The following COLEC11 variants were observed in gnomAD, a reference collection of about 807,000 sequenced individuals.
COLEC11 encodes collectin subfamily member 11, also known as collectin-11.
Under a neutral mutation model 27.3 loss-of-function variants are expected in COLEC11, and 20 were observed. That is an observed-to-expected ratio of 0.73 (90% confidence interval 0.51 to 1.06). The LOEUF (loss-of-function observed/expected upper bound fraction) is 1.06. COLEC11 is among the 50% of genes least tolerant of loss of function. The probability of loss-of-function intolerance (pLI) is 0.00; values close to 1 mark genes in which losing one functional copy is unlikely to be tolerated. For missense variants in COLEC11, 310 were observed against 383.0 expected (o/e 0.81, Z 1.59); for synonymous variants, 163 against 154.7 (o/e 1.05, Z -0.40).
intron 4 of COLEC11, among the ~76,000 whole-genome samples, chr2:3,639,207 G>A (rs768244422): frequency 5.0e-4 from 76 of 152,184 alleles, no homozygotes; most frequent in Non-Finnish European, 8.8e-4. Flanking sequence ...TTCACCTGTC[G>A]ATGGACACAT....
At chr2:3,625,625 C>T (rs373951057) in intron 3 of COLEC11, among the ~76,000 whole-genome samples, 18 of 91,440 alleles carry the variant, frequency 2.0e-4, no homozygotes, top group Admixed American at 5.8e-4. Flanking sequence ...TTCTTTTTTA[C>T]TTTTTTTTTT....
chr2:3,628,366 T>C (rs1664715227), intron 3 of COLEC11, among the ~76,000 whole-genome samples: 1 of 152,262 alleles, frequency 6.6e-6, no homozygotes, highest in Non-Finnish European at 1.5e-5. Context: ...TTCAGGTTTC[T>C]CCAGGGGCTC....
chr2:3,636,394 G>A (rs1213805669), intron 3 of COLEC11, among the ~76,000 whole-genome samples: 1 of 152,138 alleles, frequency 6.6e-6, no homozygotes, highest in African/African-American at 2.4e-5. Context: ...GGTGGAGCTT[G>A]CAGTGAGCTG....
intron 3 of COLEC11, among the ~76,000 whole-genome samples, chr2:3,618,349 A>G (rs1162781781): frequency 6.6e-6 from 1 of 152,146 alleles, no homozygotes; most frequent in Non-Finnish European, 1.5e-5. Context: ...TAAGTCTTCT[A>G]TTTTGAGCTG....
chr2:3,616,407 C>T (rs920864961), intron 3 of COLEC11, among the ~76,000 whole-genome samples: 4 of 152,022 alleles, frequency 2.6e-5, no homozygotes, highest in East Asian at 1.9e-4. Flanking sequence ...CCAAGGCAGG[C>T]GGCTGGGAGG....
chr2:3,631,823 T>G (rs558933256), intron 3 of COLEC11, among the ~76,000 whole-genome samples: 22 of 152,134 alleles, frequency 1.4e-4, no homozygotes, highest in Non-Finnish European at 2.9e-4. Context: ...CCTCCTGGGC[T>G]TGGGAGTAGG....
chr2:3,628,645 C>T (rs931682326), intron 3 of COLEC11, among the ~76,000 whole-genome samples: 2 of 152,312 alleles, frequency 1.3e-5, no homozygotes, highest in Admixed American at 6.5e-5. Flanking sequence ...GGAGGTGGTG[C>T]GGTTGGATGG....
At chr2:3,601,682 A>C (rs923904786) in intron 1 of COLEC11, among the ~76,000 whole-genome samples, 1 of 152,246 alleles carries the variant, frequency 6.6e-6, no homozygotes, top group Non-Finnish European at 1.5e-5. Flanking sequence ...GTTTTCACAG[A>C]GGTAGGATTT....
chr2:3,604,573 C>A, intron 2 of COLEC11, 103 bp downstream of exon 2: 2 of 1,306,538 alleles, frequency 1.5e-6, no homozygotes, highest in Non-Finnish European at 2.2e-6. Context: ...AAAGCCCCAG[C>A]AAATCTGCTT....
At chr2:3,595,631 G>A (rs1395171194) in intron 1 of COLEC11, among the ~76,000 whole-genome samples, 1 of 152,204 alleles carries the variant, frequency 6.6e-6, no homozygotes, top group Non-Finnish European at 1.5e-5. Flanking sequence ...GCTCAGGAAC[G>A]GGGATCAGAG....
chr2:3,635,330 C>T (rs946059272), intron 3 of COLEC11, among the ~76,000 whole-genome samples: 6 of 152,108 alleles, frequency 3.9e-5, no homozygotes, highest in African/African-American at 1.4e-4. Context: ...CCAGAACCCG[C>T]CTGCCATGAC....
chr2:3,610,303 G>A (rs1663088241), intron 2 of COLEC11, among the ~76,000 whole-genome samples: 2 of 152,206 alleles, frequency 1.3e-5, no homozygotes. Flanking sequence ...AACTCCAGGA[G>A]CTTTCTTAAG....
intron 2 of COLEC11, among the ~76,000 whole-genome samples, chr2:3,607,449 C>CTTTTTTTTTTTTTTT (rs377560723): frequency 2.0e-4 from 22 of 109,176 alleles, no homozygotes; most frequent in Admixed American, 3.7e-4. Context: ...TTTTTTTTTG[C>CTTTTTTTTTTTTTTT]TTTTTTTTTT....
At chr2:3,616,173 A>G (rs1175065792) in intron 3 of COLEC11, among the ~76,000 whole-genome samples, 3 of 146,724 alleles carry the variant, frequency 2.0e-5, no homozygotes, top group Non-Finnish European at 4.5e-5. Flanking sequence ...GCGGCGGGGC[A>G]GAGGCGCTCC....
At chr2:3,627,485 G>C (rs1417914937) in intron 3 of COLEC11, among the ~76,000 whole-genome samples, 1 of 150,376 alleles carries the variant, frequency 6.6e-6, no homozygotes, top group Non-Finnish European at 1.5e-5. Context: ...GGCACGATGA[G>C]CACGACGATG....
chr2:3,632,294 ACT>A (rs1665072897), intron 3 of COLEC11, among the ~76,000 whole-genome samples: 1 of 151,948 alleles, frequency 6.6e-6, no homozygotes, highest in South Asian at 2.1e-4. Flanking sequence ...TGGTCACCTG[ACT>A]CTCTGAACTC....
intron 5 of COLEC11, among the ~76,000 whole-genome samples, 193 bp downstream of exon 5, chr2:3,640,524 C>CACCATGTAGAT (rs1665770683): frequency 8.1e-6 from 1 of 123,208 alleles, no homozygotes; most frequent in African/African-American, 3.4e-5. Flanking sequence ...GACACCCACC[C>CACCATGTAGAT]CCGTCACATC....
At chr2:3,615,074 C>T (rs1168647615) in intron 3 of COLEC11, among the ~76,000 whole-genome samples, 1 of 151,400 alleles carries the variant, frequency 6.6e-6, no homozygotes, top group Non-Finnish European at 1.5e-5. Flanking sequence ...CATATGCACC[C>T]TTTCTCAGGA....
intron 1 of COLEC11, among the ~76,000 whole-genome samples, chr2:3,599,795 C>T (rs1292064279): frequency 6.6e-6 from 1 of 152,218 alleles, no homozygotes; most frequent in African/African-American, 2.4e-5. Context: ...GTGAGCTCCA[C>T]GCCACCAGCT....
Sources: gnomAD v4.1 joint callset for allele counts (sites outside exome capture counted in the v4.1 genomes callset) on GRCh38, gnomAD v4.1.1 for gene constraint, MANE v1.5 for transcripts, NCBI Gene and HGNC (gene_info 2026-07-23, HGNC 2026-07-21) for gene names.